The following SLC7A11 variants were observed in gnomAD, a reference collection of about 807,000 sequenced individuals.
SLC7A11 encodes the protein solute carrier family 7 member 11.
Under a neutral mutation model 54.5 loss-of-function variants are expected in SLC7A11, and 35 were observed. The ratio of observed to expected loss-of-function variants is 0.64; its 90% CI spans 0.49 to 0.85. The LOEUF is 0.85. Among genes scored for constraint, SLC7A11 ranks in the 40% least tolerant of loss-of-function variants. The pLI is 0.00. For synonymous variants in SLC7A11, 230 were observed against 225.2 expected, an observed-to-expected ratio of 1.02 and a Z score of -0.19; for missense variants, 583 against 618.1, an observed-to-expected ratio of 0.94 and a Z score of 0.60.
At chr4:138,195,156 G>A (rs997686535) in intron 6 of SLC7A11, among the ~76,000 whole-genome samples, 1 of 152,148 alleles carries the variant, frequency 6.6e-6, no homozygotes, top group African/African-American at 2.4e-5. Flanking sequence ...ATCATTTAAA[G>A]GATAAGTGAT....
chr4:138,184,137 C>G (rs557669081), intron 7 of SLC7A11, among the ~76,000 whole-genome samples: 3 of 152,256 alleles, frequency 2.0e-5, no homozygotes, highest in Admixed American at 6.6e-5. Context: ...AGAATAAGTG[C>G]TGCCCTTTGT....
rs1219749280 is a variant in SLC7A11 at position 138,185,237 on chromosome 4, G to A, written c.799C>T (p.Pro267Ser). The change falls in exon 7 of 12, where the codon CCC becomes TCC. Residue 267 changes from proline (P) to serine (S), a missense_variant. Physicochemically the swap from Pro to Ser is moderately conservative, Grantham distance 74. Coordinates refer to ENST00000280612, the MANE Select transcript of SLC7A11 (RefSeq NM_014331.4). ...EEVENPEKTI[P>S]LAICISMAIV... ...GCCATGGATATACATATTGCAAGGG[G>A]AATGGTTCTGAAATGCACAAAGGAA... 1.2e-6 allele frequency: 2 copies of A among 1,612,488 alleles called. No homozygotes were observed. The highest frequency in any genetic ancestry group is 1.7e-6 in the Non-Finnish European group (2 of 1,178,892).
chr4:138,185,710 A>T (rs1035021023), intron 6 of SLC7A11, among the ~76,000 whole-genome samples: 3 of 152,168 alleles, frequency 2.0e-5, no homozygotes, highest in African/African-American at 7.2e-5. Context: ...TCTAATACTA[A>T]TTCACTGCCT....
At chr4:138,180,818 G>C in intron 9 of SLC7A11, 28 bp from the exon 10 acceptor site, 2 of 1,595,962 alleles carry the variant, frequency 1.3e-6, no homozygotes, top group African/African-American at 1.4e-5. Context: ...AGCAAGCTTG[G>C]TGAATTCAGT....
At chr4:138,214,757 ATATC>A (rs1243716209) in intron 5 of SLC7A11, 128 bp from the exon 6 acceptor site, 95 of 345,322 alleles carry the variant, frequency 2.8e-4, no homozygotes, top group African/African-American at 1.9e-3. Flanking sequence ...TAAGATGAAA[ATATC>A]TAACAACTAA....
intron 1 of SLC7A11, among the ~76,000 whole-genome samples, chr4:138,238,353 T>A (rs1397820965): frequency 1.3e-5 from 2 of 152,118 alleles, no homozygotes; most frequent in East Asian, 3.9e-4. Flanking sequence ...CAAGAAAATT[T>A]AAAAAAATCC....
At chr4:138,174,942 A>G (rs1430869362) in intron 11 of SLC7A11, among the ~76,000 whole-genome samples, 2 of 151,830 alleles carry the variant, frequency 1.3e-5, no homozygotes, top group Middle Eastern at 3.4e-3. Context: ...TACAGCAAAA[A>G]TTGCCACATT....
rs575661433 is a variant in SLC7A11, at chr4:138,214,506, T to A, written c.791+79A>T. 6.3e-5 allele frequency: 48 copies of A among 764,550 alleles called. No homozygotes were observed. The African/African-American group carries it at 8.6e-4, about 14-fold the overall frequency. The allele number at this position is 764,550 out of a possible 1,614,324, so 47.4% of individuals were successfully genotyped here. On this transcript the variant is annotated intron_variant, in intron 6 of 11. Transcript: ENST00000280612. ...GTTGACTAGCCCACACTGAATTCCT[T>A]CTTCAAGTCTGCTTTTTAAACTATG...
At chr4:138,239,078 CCTATAA>C (rs1738311956) in intron 1 of SLC7A11, among the ~76,000 whole-genome samples, 1 of 152,140 alleles carries the variant, frequency 6.6e-6, no homozygotes, top group African/African-American at 2.4e-5. Context: ...ATTTCATCTA[CCTATAA>C]CTAATTTTAA....
chr4:138,198,943 T>G (rs1268615612), intron 6 of SLC7A11, among the ~76,000 whole-genome samples: 1 of 152,036 alleles, frequency 6.6e-6, no homozygotes, highest in Non-Finnish European at 1.5e-5. Flanking sequence ...GTGAGACAGA[T>G]CTATAGCACA....
chr4:138,225,240 G>A (rs1737920745), intron 3 of SLC7A11, among the ~76,000 whole-genome samples: 1 of 147,198 alleles, frequency 6.8e-6, no homozygotes, highest in Non-Finnish European at 1.5e-5. Flanking sequence ...CAATAAAGAT[G>A]AAAAAATTTT....
chr4:138,181,190 A>G (rs1326324166), intron 9 of SLC7A11, among the ~76,000 whole-genome samples: 1 of 152,146 alleles, frequency 6.6e-6, no homozygotes, highest in Non-Finnish European at 1.5e-5. Flanking sequence ...AAGAGGCCCA[A>G]TTGGAAGATT....
At chr4:138,211,327 C>A (rs556134043) in intron 6 of SLC7A11, among the ~76,000 whole-genome samples, 10 of 151,864 alleles carry the variant, frequency 6.6e-5, no homozygotes, top group African/African-American at 2.2e-4. Context: ...ATAATTCATA[C>A]CCCAAACCTC....
chr4:138,209,936 A>C (rs1281926242), intron 6 of SLC7A11, among the ~76,000 whole-genome samples: 1 of 151,956 alleles, frequency 6.6e-6, no homozygotes. Flanking sequence ...AAATAGGCAA[A>C]GCAACCCCAA....
chr4:138,201,943 G>A (rs1173950617), intron 6 of SLC7A11, among the ~76,000 whole-genome samples: 1 of 152,106 alleles, frequency 6.6e-6, no homozygotes. Flanking sequence ...TATGTATGCA[G>A]CATATTAGAA....
Position 138,180,751 on chromosome 4 carries a change from C to CGAG in SLC7A11, c.1153_1155dup (p.Leu385dup). 1 of 1,612,766 alleles carries CGAG rather than the reference C, an allele frequency of 6.2e-7. No individual in the cohort carries two copies. The highest frequency in any genetic ancestry group is 8.5e-7 in the Non-Finnish European group (1 of 1,179,326). Reference sequence around the variant, plus strand: ...AAACTGAGGAAATTCAAAAGACTGTCGAGGTCTCCAGAGAAGAGCATTATC... The same window carrying CGAG: ...AAACTGAGGAAATTCAAAAGACTGTCGAGGAGGTCTCCAGAGAAGAGCATTATC... On this transcript the variant is annotated inframe_insertion, in exon 10 of 12. Coordinates refer to ENST00000280612, the MANE Select transcript of SLC7A11 (RefSeq NM_014331.4).
chr4:138,233,556 G>T (rs1177278719), intron 2 of SLC7A11, among the ~76,000 whole-genome samples: 1 of 151,984 alleles, frequency 6.6e-6, no homozygotes, highest in Non-Finnish European at 1.5e-5. Context: ...CAACATTCAT[G>T]CCCGATCCAT....
intron 6 of SLC7A11, among the ~76,000 whole-genome samples, chr4:138,192,157 C>T (rs1363265973): frequency 6.6e-6 from 1 of 152,096 alleles, no homozygotes; most frequent in Admixed American, 6.6e-5. Flanking sequence ...AACTACTCAC[C>T]AAAAGTCTGT....
At chr4:138,236,182 A>C in intron 2 of SLC7A11, 143 bp downstream of exon 2, 1 of 628,276 alleles carries the variant, frequency 1.6e-6, no homozygotes. Context: ...AAGGTACTTT[A>C]TCACAGGCTT....
Sources: gnomAD v4.1 joint callset for allele counts (sites outside exome capture counted in the v4.1 genomes callset) on GRCh38, gnomAD v4.1.1 for gene constraint, MANE v1.5 for transcripts, NCBI Gene and HGNC (gene_info 2026-07-23, HGNC 2026-07-21) for gene names.